GNG7: variants seen among roughly 807,000 people sequenced by gnomAD.
GNG7 encodes the protein guanine nucleotide-binding protein G(I)/G(S)/G(O) subunit gamma-7.
In GNG7, 1 loss-of-function variant was observed where a neutral mutation model predicts 4.0. The observed-to-expected ratio is 0.25, with a 90% CI of 0.09 to 1.18. GNG7 has a LOEUF of 1.18. GNG7 is among the 50% of genes most tolerant of loss of function. The pLI, the probability that GNG7 is intolerant of heterozygous loss-of-function variation, is 0.50. For missense variants in GNG7, 86 were observed against 91.9 expected (o/e 0.94, Z 0.26); for synonymous variants, 34 against 36.9 (o/e 0.92, Z 0.29).
At chr19:2,579,009 G>A (rs1320976490) in intron 2 of GNG7, among the ~76,000 whole-genome samples, 2 of 152,240 alleles carry the variant, frequency 1.3e-5, no homozygotes, top group Non-Finnish European at 2.9e-5. Flanking sequence ...CGAGAGGCCA[G>A]GAAATGGCTG....
intron 2 of GNG7, chr19:2,643,854 C>G: frequency 2.9e-6 from 1 of 350,430 alleles, no homozygotes; most frequent in Non-Finnish European, 5.6e-6. Context: ...AGAGCTGCCC[C>G]GATCCCAACC....
chr19:2,558,377 C>T (rs1464391824), intron 2 of GNG7, among the ~76,000 whole-genome samples: 7 of 151,558 alleles, frequency 4.6e-5, no homozygotes, highest in Admixed American at 4.6e-4. Flanking sequence ...GCTGAGACTA[C>T]AGCCACATGC....
chr19:2,691,765 G>A (rs956338778), intron 1 of GNG7, among the ~76,000 whole-genome samples: 5 of 151,668 alleles, frequency 3.3e-5, no homozygotes, highest in South Asian at 2.1e-4. Flanking sequence ...TACTCGGGAG[G>A]CTGAGGCAGG....
At chr19:2,543,071 C>A (rs1388367425) in intron 3 of GNG7, among the ~76,000 whole-genome samples, 1 of 151,848 alleles carries the variant, frequency 6.6e-6, no homozygotes, top group African/African-American at 2.4e-5. Flanking sequence ...CACCACCACA[C>A]CAGGCTTATT....
chr19:2,551,686 T>C (rs916792170), intron 3 of GNG7, among the ~76,000 whole-genome samples: 7 of 94,788 alleles, frequency 7.4e-5, no homozygotes, highest in Admixed American at 1.2e-4. Context: ...TATATATATA[T>C]ACACACACAT....
intron 1 of GNG7, among the ~76,000 whole-genome samples, chr19:2,680,571 A>ATTT (rs967188330): frequency 7.9e-5 from 10 of 126,006 alleles, no homozygotes; most frequent in Non-Finnish European, 1.0e-4. Context: ...AAAATTTACA[A>ATTT]TTTTTTTTTT....
In GNG7 at chr19:2,616,558, C is replaced by T. The variant is rs1981729797; in HGVS notation, c.-78+29666G>A. Among the ~76,000 whole-genome samples the T allele has an allele frequency of 2.0e-5, 3 of 152,134 alleles. No homozygotes were observed. The South Asian group carries it at 6.2e-4, about 32-fold the overall frequency. ...TTGGGAGGCCAAAGCGAGCGGATCACCTCAGGTCAGGAGTTTGAGACCAGC... is the reference window on the plus strand; with the variant it reads ...TTGGGAGGCCAAAGCGAGCGGATCATCTCAGGTCAGGAGTTTGAGACCAGC... On this transcript the variant is annotated intron_variant, in intron 2 of 4. Coordinates refer to ENST00000382159, the MANE Select transcript of GNG7 (RefSeq NM_052847.3).
In GNG7 at chr19:2,512,703, C is replaced by T. The variant is rs1972672817; in HGVS notation, c.*2319G>A. The T allele has an allele frequency of 5.6e-6, 1 of 179,064 alleles. No individual in the cohort carries two copies. Among genetic ancestry groups the T allele is most frequent in the African/African-American group, 2.4e-5 (1 of 42,114 alleles). The allele number at this position is 179,064 out of a possible 1,614,324, so 11.1% of individuals were successfully genotyped here. On this transcript the variant is annotated 3_prime_UTR_variant, in exon 5 of 5. Transcript: ENST00000382159. This position sits in a 1 kb window ranked among gnomAD's most constrained non-coding sequence, Gnocchi z 4.7. ...GGGCTTGGCACAGCTGTGCCCCCTC[C>T]TCCCTCTGCCCTGGCAGCGGGGGCT... is the stretch of plus-strand genomic sequence containing the variant.
intron 2 of GNG7, among the ~76,000 whole-genome samples, chr19:2,636,954 C>T (rs77221917): frequency 1.3e-5 from 2 of 151,138 alleles, no homozygotes; most frequent in Non-Finnish European, 3.0e-5. Flanking sequence ...CCACTTGTGC[C>T]CACCTGCGCC....
intron 3 of GNG7, among the ~76,000 whole-genome samples, chr19:2,527,441 C>G (rs62121678): frequency 0.43 from 65,464 of 152,104 alleles, 14,540 homozygotes; most frequent in African/African-American, 0.56. Flanking sequence ...CCCCCGCCCT[C>G]GAACCTGTCC....
At chr19:2,693,867 C>T (rs552239037) in intron 1 of GNG7, among the ~76,000 whole-genome samples, 1 of 152,206 alleles carries the variant, frequency 6.6e-6, no homozygotes, top group South Asian at 2.1e-4. Context: ...TACCCACAAC[C>T]CCCCCAAGTC....
chr19:2,572,987 C>A (rs558968575), intron 2 of GNG7, among the ~76,000 whole-genome samples: 3 of 149,756 alleles, frequency 2.0e-5, no homozygotes, highest in African/African-American at 4.9e-5. Flanking sequence ...CATGCATATT[C>A]TCTGTGGATC....
chr19:2,578,248 G>T (rs530341993), intron 2 of GNG7, among the ~76,000 whole-genome samples: 1 of 152,118 alleles, frequency 6.6e-6, no homozygotes, highest in African/African-American at 2.4e-5. Flanking sequence ...CACAGGTAGC[G>T]TAGGCAGAGC....
At chr19:2,535,440 C>T (rs1054284228) in intron 3 of GNG7, among the ~76,000 whole-genome samples, 4 of 150,650 alleles carry the variant, frequency 2.7e-5, no homozygotes, top group Admixed American at 6.6e-5. Context: ...GTGGAGGTTG[C>T]AGTGAGCCGA....
At position 2,618,657 on chromosome 19, in the gene GNG7, T is replaced by A. The variant is rs1981787412; in HGVS notation, c.-78+27567A>T. ...AGCCACCGTGCCCAGCCTGTTCTAT[T>A]TTTTTTTTAATAAACAATTTTATTT... On this transcript the variant is annotated intron_variant, in intron 2 of 4. Coordinates refer to ENST00000382159, the MANE Select transcript of GNG7 (RefSeq NM_052847.3). This position sits in a 1 kb window ranked among gnomAD's most constrained non-coding sequence, Gnocchi z 5.1. Among the ~76,000 whole-genome samples the A allele has an allele frequency of 6.7e-6, 1 of 149,308 alleles. No individual in the cohort carries two copies. Among genetic ancestry groups the A allele is most frequent in the African/African-American group, 2.5e-5 (1 of 39,534 alleles).
intron 2 of GNG7, among the ~76,000 whole-genome samples, chr19:2,569,076 C>T (rs1463671777): frequency 6.6e-6 from 1 of 151,992 alleles, no homozygotes; most frequent in Non-Finnish European, 1.5e-5. Context: ...TACACACAAG[C>T]ATGCAAGCAC....
At chr19:2,587,056 A>G (rs944297998) in intron 2 of GNG7, among the ~76,000 whole-genome samples, 6 of 150,072 alleles carry the variant, frequency 4.0e-5, no homozygotes, top group Admixed American at 2.7e-4. Flanking sequence ...CCTGGCATCC[A>G]CTACCACGCA....
At position 2,650,187 on chromosome 19, in the gene GNG7, T is replaced by C. The variant is rs954682214; in HGVS notation, c.-134-3907A>G. ...GAATATTCGTGTCATAGGAATCTTT[T>C]TTTTTTTTTTTTTTGAGACAGAGTC... On this transcript the variant is annotated intron_variant, in intron 1 of 4. Transcript: ENST00000382159. Among the ~76,000 whole-genome samples, 597 of 148,178 alleles carry C rather than the reference T, an allele frequency of 4.0e-3. 3 individuals are homozygous for C. Among genetic ancestry groups the C allele is most frequent in the Non-Finnish European group, 5.3e-3 (355 of 66,888 alleles).
intron 1 of GNG7, among the ~76,000 whole-genome samples, chr19:2,669,293 C>T (rs1250424529): frequency 1.3e-5 from 2 of 152,026 alleles, no homozygotes; most frequent in Admixed American, 6.6e-5. Context: ...AGTTCGAGAC[C>T]AGCCTGACCA....
Sources: allele counts gnomAD v4.1 joint callset (sites outside exome capture counted in the v4.1 genomes callset), GRCh38; gene constraint gnomAD v4.1.1; non-coding constraint Gnocchi (gnomAD v3.1); transcripts MANE v1.5; gene names NCBI Gene and HGNC (gene_info 2026-07-23, HGNC 2026-07-21).